The following PPFIA2 variants were observed in gnomAD, a reference collection of about 807,000 sequenced individuals.
PPFIA2 encodes liprin-alpha-2.
Under a neutral mutation model 175.5 loss-of-function variants are expected in PPFIA2, and 46 were observed. The ratio of observed to expected loss-of-function variants is 0.26; its 90% confidence interval spans 0.21 to 0.34. The LOEUF (loss-of-function observed/expected upper bound fraction) is 0.34. PPFIA2 is among the 10% of genes least tolerant of loss of function. The pLI, the probability that PPFIA2 is intolerant of heterozygous loss-of-function variation, is 1.00. For missense variants in PPFIA2, 1,179 were observed against 1,506.1 expected (o/e 0.78, Z 3.60); for synonymous variants, 568 against 511.4 (o/e 1.11, Z -1.49).
At chr12:81,395,950 C>T (rs189057410) in intron 8 of PPFIA2, among the ~76,000 whole-genome samples, 1 of 151,994 alleles carries the variant, frequency 6.6e-6, no homozygotes, top group Admixed American at 6.6e-5. Context: ...TTGTAAATGG[C>T]AGTTATATCC....
intron 3 of PPFIA2, among the ~76,000 whole-genome samples, chr12:81,679,367 A>G (rs1373044194): frequency 2.0e-5 from 3 of 151,918 alleles, no homozygotes; most frequent in Non-Finnish European, 4.4e-5. Flanking sequence ...ATTTTAATGA[A>G]GCTATCAGAG....
At chr12:81,661,153 A>C (rs1008070939) in intron 4 of PPFIA2, among the ~76,000 whole-genome samples, 1 of 152,214 alleles carries the variant, frequency 6.6e-6, no homozygotes, top group African/African-American at 2.4e-5. Context: ...CGAGCAAAAT[A>C]ACCAGCTAAC....
intron 18 of PPFIA2, among the ~76,000 whole-genome samples, chr12:81,346,979 G>C (rs1265589798): frequency 6.6e-6 from 1 of 151,674 alleles, no homozygotes; most frequent in Non-Finnish European, 1.5e-5. Flanking sequence ...GCCCAGGCTG[G>C]AGTGCAGTGT....
At chr12:81,369,278 G>A in intron 11 of PPFIA2, 84 bp from the exon 12 acceptor site, 7 of 1,548,862 alleles carry the variant, frequency 4.5e-6, no homozygotes, top group African/African-American at 1.4e-5. Context: ...AAAATGTAAA[G>A]CAAGCTACTA....
intron 9 of PPFIA2, among the ~76,000 whole-genome samples, chr12:81,379,933 T>C (rs1050068544): frequency 2.0e-5 from 3 of 152,210 alleles, no homozygotes; most frequent in African/African-American, 7.2e-5. Context: ...TATATTTCTG[T>C]TTTTTATTAT....
Position 81,358,133 on chromosome 12 carries a change from T to C in PPFIA2, c.1722A>G (p.Val574=). The change falls in exon 16 of 33, where the codon GTA becomes GTG. Residue 574 remains valine (V), a synonymous_variant. Coordinates refer to ENST00000549396, the MANE Select transcript of PPFIA2 (RefSeq NM_003625.5). ...TGCGGCCTCTCCTTGGTCTTCTTAT[T>C]ACTTTAGTTGTTCTGTAATCAGACT... ...DSQSDYRTTK[V]IRRPRRGRMG... 6.2e-7 allele frequency: 1 copy of C among 1,602,744 alleles called. No individual in the cohort carries two copies. Among genetic ancestry groups the C allele is most frequent in the Non-Finnish European group, 8.5e-7 (1 of 1,174,212 alleles).
At chr12:81,429,414 AACTG>A (rs1021905433) in intron 7 of PPFIA2, among the ~76,000 whole-genome samples, 1 of 152,022 alleles carries the variant, frequency 6.6e-6, no homozygotes, top group Non-Finnish European at 1.5e-5. Context: ...TTGAAGAGAA[AACTG>A]ACTTAGTCAC....
At position 81,571,621 on chromosome 12, in the gene PPFIA2, G is replaced by C. The variant is rs144015680; in HGVS notation, c.303+105170C>G. On this transcript the variant is annotated intron_variant, in intron 4 of 32. Transcript: ENST00000549396. ...AAGGTCAACTGGTTAATATGCATGG[G>C]TAAACCACTTAGGACAGAACACACA... Among the ~76,000 whole-genome samples, 17 of 152,202 alleles carry C rather than the reference G, an allele frequency of 1.1e-4. No individual in the cohort carries two copies. In the East Asian group the frequency reaches 3.3e-3, roughly 29 times the overall value.
intron 24 of PPFIA2, among the ~76,000 whole-genome samples, chr12:81,288,680 T>G (rs528513962): frequency 6.6e-6 from 1 of 151,912 alleles, no homozygotes; most frequent in South Asian, 2.1e-4. Context: ...TCATTTAAAG[T>G]GTTTTTTACT....
In PPFIA2 at chr12:81,647,900, C is replaced by A. The variant is rs567030682; in HGVS notation, c.303+28891G>T. On this transcript the variant is annotated intron_variant, in intron 4 of 32. Coordinates refer to ENST00000549396, the MANE Select transcript of PPFIA2 (RefSeq NM_003625.5). ...TTATATATATATAAAATCTTGAAGA[C>A]ATCATCAAGAGAAAAAGAGGAACTA... is the stretch of plus-strand genomic sequence containing the variant. Among the ~76,000 whole-genome samples, 9 of 140,264 alleles carry A rather than the reference C, an allele frequency of 6.4e-5. No homozygotes were observed. In the Admixed American group the frequency reaches 6.6e-4, roughly 10 times the overall value. 92.0% of individuals were successfully genotyped at this position (140,264 alleles called of 152,430 possible).
At chr12:81,441,551 G>C (rs2050176919) in intron 6 of PPFIA2, among the ~76,000 whole-genome samples, 1 of 151,930 alleles carries the variant, frequency 6.6e-6, no homozygotes, top group South Asian at 2.1e-4. Flanking sequence ...AAAATACATA[G>C]GATTAATGCT....
At chr12:81,298,173 C>A (rs2046960530) in intron 23 of PPFIA2, 1 of 152,126 alleles carries the variant, frequency 6.6e-6, no homozygotes, top group Admixed American at 6.6e-5. Flanking sequence ...GGTGTGATTT[C>A]TTAAGCATTT....
chr12:81,294,016 C>T (rs1441114494), intron 24 of PPFIA2, among the ~76,000 whole-genome samples: 1 of 118,942 alleles, frequency 8.4e-6, no homozygotes, highest in Non-Finnish European at 1.8e-5. Flanking sequence ...AGACCATTAT[C>T]CCAAGTGAAA....
At position 81,649,932 on chromosome 12, in the gene PPFIA2, A is replaced by G. The variant is rs564423662; in HGVS notation, c.303+26859T>C. On this transcript the variant is annotated intron_variant, in intron 4 of 32. Transcript: ENST00000549396. ...CAGGGAAATTTTTAGGGCCATGGGA[A>G]TGTTCCATATATTGATTGTCATGGT... 5.9e-5 allele frequency among the ~76,000 whole-genome samples: 9 copies of G among 152,316 alleles called. No individual in the cohort carries two copies. The South Asian group carries it at 1.5e-3, about 25-fold the overall frequency.
chr12:81,530,143 C>T (rs916879654), intron 4 of PPFIA2, among the ~76,000 whole-genome samples: 2 of 151,962 alleles, frequency 1.3e-5, no homozygotes, highest in African/African-American at 4.8e-5. Flanking sequence ...TTCCTTCATG[C>T]ATTGTCTGTC....
At chr12:81,544,700 T>C (rs1042039709) in intron 4 of PPFIA2, among the ~76,000 whole-genome samples, 5 of 152,160 alleles carry the variant, frequency 3.3e-5, no homozygotes, top group African/African-American at 9.7e-5. Flanking sequence ...ATTTGAATAT[T>C]ATCTCTTAGG....
At chr12:81,724,976 C>A (rs1200809563) in intron 3 of PPFIA2, among the ~76,000 whole-genome samples, 1 of 150,822 alleles carries the variant, frequency 6.6e-6, no homozygotes, top group African/African-American at 2.4e-5. Flanking sequence ...TTTCTCCACA[C>A]CCTCATCAGC....
At chr12:81,320,579 C>T (rs1271937294) in intron 22 of PPFIA2, among the ~76,000 whole-genome samples, 3 of 151,710 alleles carry the variant, frequency 2.0e-5, no homozygotes, top group African/African-American at 4.8e-5. Context: ...TATTAACATT[C>T]GTATGATATC....
At chr12:81,615,707 T>C (rs2061371874) in intron 4 of PPFIA2, among the ~76,000 whole-genome samples, 1 of 152,168 alleles carries the variant, frequency 6.6e-6, no homozygotes, top group Admixed American at 6.5e-5. Context: ...CTGATTGAAC[T>C]AAATTTAAAA....
Sources: allele counts gnomAD v4.1 joint callset (sites outside exome capture counted in the v4.1 genomes callset), GRCh38; gene constraint gnomAD v4.1.1; transcripts MANE v1.5; gene names NCBI Gene and HGNC (gene_info 2026-07-23, HGNC 2026-07-21).